The following CDC73 variants were observed in gnomAD, a reference collection of about 807,000 sequenced individuals.
The protein encoded by CDC73 is cell division cycle 73.
A neutral mutation model predicts 83.7 loss-of-function variants in CDC73; 21 were observed. The observed-to-expected ratio is 0.25, with a 90% CI of 0.18 to 0.36. CDC73 has a LOEUF of 0.36. Ranked by LOEUF, CDC73 falls within the 10% of genes least tolerant of loss-of-function variation. CDC73 has a pLI of 1.00. For missense variants in CDC73, 342 were observed against 653.3 expected (o/e 0.52, Z 5.19); for synonymous variants, 224 against 212.9 (o/e 1.05, Z -0.45).
At chr1:193,225,283 A>G (rs1204753308) in intron 13 of CDC73, among the ~76,000 whole-genome samples, 2 of 145,564 alleles carry the variant, frequency 1.4e-5, no homozygotes, top group Non-Finnish European at 3.1e-5. Flanking sequence ...TCCACATACT[A>G]CGGTTTCTTT....
chr1:193,229,195 C>T (rs1219556533), intron 13 of CDC73, among the ~76,000 whole-genome samples: 1 of 152,132 alleles, frequency 6.6e-6, no homozygotes, highest in African/African-American at 2.4e-5. Context: ...TATACATACC[C>T]CATGATTCAC....
intron 10 of CDC73, chr1:193,186,495 C>T (rs901045206): frequency 6.6e-6 from 1 of 152,570 alleles, no homozygotes; most frequent in African/African-American, 2.4e-5. Flanking sequence ...TACCTCTCTT[C>T]TTTCGTTGTT....
At chr1:193,244,032 A>G (rs1677908376) in intron 15 of CDC73, among the ~76,000 whole-genome samples, 2 of 152,232 alleles carry the variant, frequency 1.3e-5, no homozygotes, top group African/African-American at 4.8e-5. Flanking sequence ...GATACTGATC[A>G]TAATCATATG....
At chr1:193,219,953 A>G (rs1026787130) in intron 13 of CDC73, among the ~76,000 whole-genome samples, 2 of 152,182 alleles carry the variant, frequency 1.3e-5, no homozygotes, top group African/African-American at 4.8e-5. Flanking sequence ...ATAATCCAGA[A>G]CAAAGCAAAG....
intron 13 of CDC73, among the ~76,000 whole-genome samples, chr1:193,222,732 C>A (rs945395174): frequency 2.1e-5 from 3 of 143,568 alleles, no homozygotes; most frequent in Non-Finnish European, 4.5e-5. Context: ...AAGTCTTGGT[C>A]GTTTTGATAA....
At chr1:193,242,163 T>C (rs1382938720) in intron 15 of CDC73, among the ~76,000 whole-genome samples, 1 of 149,894 alleles carries the variant, frequency 6.7e-6, no homozygotes, top group Non-Finnish European at 1.5e-5. Flanking sequence ...TAAGGACTCT[T>C]GGGCCCCAGG....
intron 7 of CDC73, among the ~76,000 whole-genome samples, chr1:193,145,051 TAAC>T (rs915692957): frequency 4.6e-5 from 7 of 152,188 alleles, no homozygotes; most frequent in African/African-American, 1.4e-4. Context: ...CAAATAATAT[TAAC>T]AAGTATAATT....
At chr1:193,181,204 C>A (rs1396723183) in intron 10 of CDC73, 5 of 1,613,738 alleles carry the variant, frequency 3.1e-6, no homozygotes, top group African/African-American at 2.7e-5. Context: ...GTAAATACTT[C>A]CATTGGCACT....
intron 7 of CDC73, among the ~76,000 whole-genome samples, chr1:193,147,000 AT>A (rs200963527): frequency 0.024 from 3,558 of 147,586 alleles, 135 homozygotes; most frequent in African/African-American, 0.083. Flanking sequence ...TTTTATTTAG[AT>A]TTTTTTTTTT....
chr1:193,207,392 C>G (rs757187180), intron 11 of CDC73, among the ~76,000 whole-genome samples: 15 of 152,148 alleles, frequency 9.9e-5, no homozygotes, highest in Non-Finnish European at 2.1e-4. Context: ...GAGAACCAAT[C>G]TGACCAAAAT....
chr1:193,234,062 AG>A (rs936604486), intron 14 of CDC73, among the ~76,000 whole-genome samples: 3 of 149,482 alleles, frequency 2.0e-5, no homozygotes, highest in African/African-American at 7.4e-5. Context: ...AATTGCAACC[AG>A]GGGGCACTGC....
In CDC73 at chr1:193,187,125, T is replaced by G. The variant is rs368123672; in HGVS notation, c.973-16670T>G. 7.9e-4 allele frequency among the ~76,000 whole-genome samples: 71 copies of G among 89,476 alleles called. No homozygotes were observed. The South Asian group carries it at 0.031, about 40-fold the overall frequency. 58.7% of individuals were successfully genotyped at this position (89,476 alleles called of 152,430 possible). A position where few individuals can be genotyped will look rare whatever the true frequency, so the allele number is the denominator to read the frequency against. Reference sequence around the variant, plus strand: ...GATCCCCCCCCCCGTTTTCTGGGGTTTGTATAAATAAGCTGTCTTGGATTA... The same window carrying G: ...GATCCCCCCCCCCGTTTTCTGGGGTGTGTATAAATAAGCTGTCTTGGATTA... On this transcript the variant is annotated intron_variant, in intron 10 of 16. Coordinates refer to ENST00000367435, the MANE Select transcript of CDC73 (RefSeq NM_024529.5).
At chr1:193,176,466 C>G (rs368777725) in intron 10 of CDC73, among the ~76,000 whole-genome samples, 20 of 152,194 alleles carry the variant, frequency 1.3e-4, no homozygotes, top group African/African-American at 4.6e-4. Context: ...GCATAGCAGA[C>G]AGAGGACATT....
chr1:193,206,386 A>G (rs955321251), intron 11 of CDC73, among the ~76,000 whole-genome samples: 1 of 152,154 alleles, frequency 6.6e-6, no homozygotes, highest in Non-Finnish European at 1.5e-5. Flanking sequence ...ATACATCCAC[A>G]TTTCCTACCC....
intron 11 of CDC73, among the ~76,000 whole-genome samples, chr1:193,208,850 A>G (rs1050397520): frequency 6.6e-5 from 10 of 151,848 alleles, no homozygotes; most frequent in African/African-American, 7.3e-5. Context: ...CCGTATTCCT[A>G]CCTCTTATCT....
chr1:193,180,493 G>A (rs556506356), intron 10 of CDC73: 2 of 1,613,884 alleles, frequency 1.2e-6, no homozygotes, highest in South Asian at 2.2e-5. Flanking sequence ...ATTGGGAGGG[G>A]GTACAGGATC....
In CDC73 at chr1:193,214,899, T is replaced by C. The variant is rs12136326; in HGVS notation, c.1154+2422T>C. 2.5e-3 allele frequency among the ~76,000 whole-genome samples: 380 copies of C among 152,306 alleles called. 3 individuals are homozygous for C. The highest frequency in any genetic ancestry group is 4.8e-3 in the Non-Finnish European group (328 of 68,008). ...ACTCTCATTTGGGGAGATTGATGTGTATATTGGGTTTGTTGTTTCAACTAA... is the reference window on the plus strand; with the variant it reads ...ACTCTCATTTGGGGAGATTGATGTGCATATTGGGTTTGTTGTTTCAACTAA... On this transcript the variant is annotated intron_variant, in intron 13 of 16. Transcript: ENST00000367435.
At chr1:193,206,072 A>C (rs1310051174) in intron 11 of CDC73, among the ~76,000 whole-genome samples, 1 of 152,178 alleles carries the variant, frequency 6.6e-6, no homozygotes, top group Non-Finnish European at 1.5e-5. Flanking sequence ...TTAGTATGTA[A>C]GGAAAGGGCT....
At position 193,150,354 on chromosome 1, in the gene CDC73, C is replaced by T. The variant is rs199551585; in HGVS notation, c.879C>T (p.Tyr293=). ...KQPIPAAYNR[Y]DQERFKGKEE... is the part of the protein sequence containing the mutation. ...CTATCCCAGCTGCCTATAACAGATACGATCAGGAAAGATTCAAAGGAAAAG... is the reference window on the plus strand; with the variant it reads ...CTATCCCAGCTGCCTATAACAGATATGATCAGGAAAGATTCAAAGGAAAAG... Residue 293 remains tyrosine, a synonymous_variant, in exon 9 of 17, where the codon TAC becomes TAT. Transcript: ENST00000367435. The T allele has an allele frequency of 5.9e-5, 95 of 1,612,644 alleles. No individual in the cohort carries two copies. The highest frequency in any genetic ancestry group is 7.6e-5 in the Non-Finnish European group (89 of 1,178,714).
Sources: allele counts gnomAD v4.1 joint callset (sites outside exome capture counted in the v4.1 genomes callset), GRCh38; gene constraint gnomAD v4.1.1; transcripts MANE v1.5; gene names NCBI Gene and HGNC (gene_info 2026-07-23, HGNC 2026-07-21).